The following DNM3 variants were observed in gnomAD, a reference collection of about 807,000 sequenced individuals.
The protein encoded by DNM3 is dynamin 3.
In DNM3, 47 loss-of-function variants were observed where a neutral mutation model predicts 101.6. That is an observed-to-expected ratio of 0.46 (90% CI 0.37 to 0.59). DNM3 has a LOEUF of 0.59. DNM3 is among the 20% of genes least tolerant of loss of function. The pLI is 0.00. For synonymous variants in DNM3, 385 were observed against 387.9 expected (o/e 0.99, Z 0.09); for missense variants, 849 against 1,085.7 (o/e 0.78, Z 3.06).
intron 2 of DNM3, among the ~76,000 whole-genome samples, chr1:171,940,764 T>G (rs1401422656): frequency 6.6e-6 from 1 of 152,182 alleles, no homozygotes; most frequent in Non-Finnish European, 1.5e-5. Flanking sequence ...TCTTGACATG[T>G]ATATGATATA....
intron 4 of DNM3, among the ~76,000 whole-genome samples, chr1:172,024,092 C>CT (rs977361309): frequency 6.6e-6 from 1 of 151,880 alleles, no homozygotes; most frequent in Non-Finnish European, 1.5e-5. Context: ...TTTACATTAT[C>CT]TTTTTTTCCT....
At chr1:171,878,616 A>T (rs908941240) in intron 1 of DNM3, among the ~76,000 whole-genome samples, 1 of 152,108 alleles carries the variant, frequency 6.6e-6, no homozygotes, top group Non-Finnish European at 1.5e-5. Context: ...CATGGGCGTG[A>T]ACTCAGATTG....
chr1:172,233,433 A>G (rs1403133355), intron 14 of DNM3, among the ~76,000 whole-genome samples: 3 of 152,158 alleles, frequency 2.0e-5, no homozygotes, highest in East Asian at 1.9e-4. Context: ...AGGACCAGAC[A>G]GATTCACAAC....
intron 4 of DNM3, among the ~76,000 whole-genome samples, chr1:172,016,384 A>ATT (rs142644735): frequency 6.6e-6 from 1 of 151,836 alleles, no homozygotes. Context: ...GGATCATGTG[A>ATT]TTTTTTCCCC....
chr1:171,864,552 A>G (rs996889127), intron 1 of DNM3: 1 of 152,242 alleles, frequency 6.6e-6, no homozygotes, highest in African/African-American at 2.4e-5. Flanking sequence ...TTGTGGGAGC[A>G]TAGTGTGTTA....
In DNM3 at chr1:172,345,698, G is replaced by A. The variant is rs187333673; in HGVS notation, c.1893+22358G>A. On this transcript the variant is annotated intron_variant, in intron 17 of 20. Transcript: ENST00000627582. ...TAGACATTTAGTTAGCACCTTCCAT[G>A]TGTCCAGCATCATGCTTGATTCTGG... 2.3e-4 allele frequency among the ~76,000 whole-genome samples: 35 copies of A among 152,238 alleles called. 1 individual carries two copies. In the East Asian group the frequency reaches 5.8e-3, roughly 25 times the overall value.
At chr1:172,343,002 C>A (rs572077439) in intron 17 of DNM3, among the ~76,000 whole-genome samples, 1 of 152,104 alleles carries the variant, frequency 6.6e-6, no homozygotes. Context: ...TGGTTTAATG[C>A]GGTCAGTTTT....
chr1:171,984,060 A>C (rs1372827136), intron 2 of DNM3, among the ~76,000 whole-genome samples: 2 of 152,162 alleles, frequency 1.3e-5, no homozygotes, highest in Non-Finnish European at 1.5e-5. Context: ...CTCATATCGC[A>C]GCTTAAATCC....
intron 14 of DNM3, among the ~76,000 whole-genome samples, chr1:172,192,006 C>G (rs947382692): frequency 6.6e-6 from 1 of 152,132 alleles, no homozygotes; most frequent in Non-Finnish European, 1.5e-5. Flanking sequence ...TGCCTGATTG[C>G]TCTGGCCAGA....
chr1:172,153,278 G>C (rs1283385071), intron 14 of DNM3, among the ~76,000 whole-genome samples: 1 of 152,082 alleles, frequency 6.6e-6, no homozygotes, highest in Non-Finnish European at 1.5e-5. Flanking sequence ...AAGTTCATAC[G>C]GCAACAGTTT....
Position 171,976,454 on chromosome 1 carries a change from C to T in DNM3, c.236-11202C>T, listed in dbSNP as rs6663676. On this transcript the variant is annotated intron_variant, in intron 2 of 20. Coordinates refer to ENST00000627582, the MANE Select transcript of DNM3 (RefSeq NM_015569.5). ...CAAGAGAACATGTGCAGGGGAACTC[C>T]CTTTTATAAAACCATCAGCTCTTGT... Among the ~76,000 whole-genome samples, 1,474 of 152,260 alleles carry T rather than the reference C, an allele frequency of 9.7e-3. 22 individuals are homozygous for T. The highest frequency in any genetic ancestry group is 0.033 in the African/African-American group (1,391 of 41,558).
intron 2 of DNM3, among the ~76,000 whole-genome samples, chr1:171,934,459 A>C (rs1205194232): frequency 6.6e-6 from 1 of 152,240 alleles, no homozygotes; most frequent in Non-Finnish European, 1.5e-5. Flanking sequence ...AAGCTATACT[A>C]GTCAGCATAG....
chr1:171,935,811 AGTT>A, intron 2 of DNM3, among the ~76,000 whole-genome samples: 1 of 103,774 alleles, frequency 9.6e-6, no homozygotes, highest in Non-Finnish European at 1.8e-5. Context: ...CTAGGGAGCC[AGTT>A]GTTAAGCATT....
intron 20 of DNM3, among the ~76,000 whole-genome samples, chr1:172,400,188 C>T (rs2070361556): frequency 6.6e-6 from 1 of 152,086 alleles, no homozygotes; most frequent in African/African-American, 2.4e-5. Context: ...ACTTGCCTCG[C>T]CCAGTAGCTA....
chr1:171,896,180 T>G (rs996646620), intron 1 of DNM3, among the ~76,000 whole-genome samples: 37 of 151,944 alleles, frequency 2.4e-4, no homozygotes, highest in Admixed American at 1.5e-3. Context: ...GTGAAGGAAG[T>G]CATTGGTAGC....
At chr1:172,037,508 G>A (rs898885123) in intron 6 of DNM3, among the ~76,000 whole-genome samples, 1 of 152,058 alleles carries the variant, frequency 6.6e-6, no homozygotes, top group African/African-American at 2.4e-5. Context: ...TCATCACTTA[G>A]GAAGTTCAAG....
rs116316080 is a variant in DNM3 at position 171,851,052 on chromosome 1, A to C, written c.161+9235A>C. ...GTTCAAAGTGTGCCACAGGTAAGCA[A>C]GGTAGCATGCCAAGAACAGTGAGAG... On this transcript the variant is annotated intron_variant, in intron 1 of 20. Coordinates refer to ENST00000627582, the MANE Select transcript of DNM3 (RefSeq NM_015569.5). Among the ~76,000 whole-genome samples, 994 of 152,242 alleles carry C rather than the reference A, an allele frequency of 6.5e-3. 10 individuals carry two copies. Among genetic ancestry groups the C allele is most frequent in the African/African-American group, 0.022 (933 of 41,532 alleles).
chr1:172,198,816 G>A (rs1048312064), intron 14 of DNM3, among the ~76,000 whole-genome samples: 2 of 151,278 alleles, frequency 1.3e-5, no homozygotes. Flanking sequence ...CTTTCTATTA[G>A]TCTAGTTAGA....
chr1:172,077,618 C>T (rs1321889825), intron 11 of DNM3, among the ~76,000 whole-genome samples: 5 of 152,030 alleles, frequency 3.3e-5, no homozygotes, highest in South Asian at 2.1e-4. Flanking sequence ...TGTAGTTGTG[C>T]GCTTTTGAGT....
Sources: allele counts gnomAD v4.1 joint callset (sites outside exome capture counted in the v4.1 genomes callset), GRCh38; gene constraint gnomAD v4.1.1; transcripts MANE v1.5; gene names NCBI Gene and HGNC (gene_info 2026-07-23, HGNC 2026-07-21).